The following TMEM135 variants were observed in gnomAD, a reference collection of about 807,000 sequenced individuals.
TMEM135 encodes peroxisomal membrane protein 52.
A neutral mutation model predicts 60.3 loss-of-function variants in TMEM135; 30 were observed. The ratio of observed to expected loss-of-function variants is 0.50; its 90% CI spans 0.37 to 0.68. The LOEUF is 0.68. Among genes scored for constraint, TMEM135 ranks in the 30% least tolerant of loss-of-function variants. The pLI is 0.00. For missense variants in TMEM135, 468 were observed against 548.8 expected (o/e 0.85, Z 1.47); for synonymous variants, 190 against 186.7 (o/e 1.02, Z -0.14).
At chr11:87,106,636 A>G (rs909570670) in intron 4 of TMEM135, among the ~76,000 whole-genome samples, 1 of 152,060 alleles carries the variant, frequency 6.6e-6, no homozygotes, top group African/African-American at 2.4e-5. Flanking sequence ...AAAGATTGGT[A>G]TTAGTTTTTC....
chr11:87,188,740 T>G (rs1939715428), intron 5 of TMEM135, among the ~76,000 whole-genome samples: 1 of 151,958 alleles, frequency 6.6e-6, no homozygotes, highest in Non-Finnish European at 1.5e-5. Context: ...TATACACTAT[T>G]AATACTTGAC....
chr11:87,077,419 G>A (rs551450793), intron 3 of TMEM135, among the ~76,000 whole-genome samples: 2 of 152,272 alleles, frequency 1.3e-5, no homozygotes, highest in African/African-American at 4.8e-5. Flanking sequence ...GTTATTTTCA[G>A]TTTTTGGCTG....
intron 4 of TMEM135, among the ~76,000 whole-genome samples, chr11:87,130,545 T>C (rs1162582203): frequency 6.6e-6 from 1 of 152,212 alleles, no homozygotes; most frequent in Non-Finnish European, 1.5e-5. Flanking sequence ...TTCCCTACTG[T>C]CTTTTTCATG....
chr11:87,311,014 T>C (rs868492069), intron 10 of TMEM135, among the ~76,000 whole-genome samples: 1 of 151,618 alleles, frequency 6.6e-6, no homozygotes, highest in Non-Finnish European at 1.5e-5. Flanking sequence ...AAATATATAT[T>C]TTATTCATAC....
At chr11:87,294,538 C>A (rs1942317485) in intron 6 of TMEM135, among the ~76,000 whole-genome samples, 2 of 152,178 alleles carry the variant, frequency 1.3e-5, no homozygotes, top group South Asian at 4.1e-4. Context: ...AATGTGCCAC[C>A]ACGCCCGGCT....
At chr11:87,147,230 C>T (rs1053382748) in intron 4 of TMEM135, among the ~76,000 whole-genome samples, 1 of 152,004 alleles carries the variant, frequency 6.6e-6, no homozygotes, top group Admixed American at 6.6e-5. Context: ...GGCTGAGGCA[C>T]AAGAATCGCT....
chr11:87,093,456 T>C (rs1218920011), intron 4 of TMEM135, among the ~76,000 whole-genome samples: 2 of 152,086 alleles, frequency 1.3e-5, no homozygotes, highest in East Asian at 1.9e-4. Flanking sequence ...AGTGATCCTT[T>C]TGCCTTGGCC....
At chr11:87,144,544 G>C (rs950385334) in intron 4 of TMEM135, among the ~76,000 whole-genome samples, 20 of 152,198 alleles carry the variant, frequency 1.3e-4, no homozygotes, top group Non-Finnish European at 2.5e-4. Context: ...CATGGGAAAT[G>C]TTTGGTAATG....
chr11:87,278,809 CT>C (rs1942010653), intron 6 of TMEM135, among the ~76,000 whole-genome samples: 1 of 96,594 alleles, frequency 1.0e-5, no homozygotes, highest in Non-Finnish European at 2.4e-5. Context: ...TTTCATCATT[CT>C]TTAAAATTTC....
chr11:87,314,541 G>A lies in TMEM135; in HGVS notation c.1071G>A (p.Leu357=). ...TTTCCATGTATTTAGCGTCCAAATT[G>A]GTAGAGGTAAGCGAAATTTTTGTGC... ...TTISMYLASK[L]VETMYFKGIE... is the part of the protein sequence containing the mutation. Residue 357 remains leucine (L), a synonymous_variant, in exon 12 of 15, where the codon TTG becomes TTA. Transcript: ENST00000305494. The A allele has an allele frequency of 6.2e-7, 1 of 1,610,472 alleles. No individual in the cohort carries two copies. The highest frequency in any genetic ancestry group is 1.1e-5 in the South Asian group (1 of 90,966).
At chr11:87,216,901 T>G (rs1940514768) in intron 5 of TMEM135, among the ~76,000 whole-genome samples, 2 of 152,062 alleles carry the variant, frequency 1.3e-5, no homozygotes, top group Non-Finnish European at 2.9e-5. Flanking sequence ...GAAGTAAAAT[T>G]GTACAAAATT....
At chr11:87,158,876 A>C (rs1938783129) in intron 5 of TMEM135, among the ~76,000 whole-genome samples, 1 of 152,222 alleles carries the variant, frequency 6.6e-6, no homozygotes, top group Admixed American at 6.5e-5. Context: ...AAGAAAACTT[A>C]CAGCAATAAG....
chr11:87,176,284 C>T (rs1591079384), intron 5 of TMEM135, among the ~76,000 whole-genome samples: 1 of 152,128 alleles, frequency 6.6e-6, no homozygotes, highest in Admixed American at 6.5e-5. Flanking sequence ...CTTCCTGTCT[C>T]CCCATGTGAT....
intron 1 of TMEM135, among the ~76,000 whole-genome samples, chr11:87,040,469 C>T (rs941053743): frequency 2.6e-5 from 4 of 152,158 alleles, no homozygotes; most frequent in Admixed American, 6.5e-5. Flanking sequence ...GACCAGCCAG[C>T]TTGACCAACA....
intron 4 of TMEM135, chr11:87,095,262 A>AT (rs1857297515): frequency 5.4e-6 from 1 of 184,904 alleles, no homozygotes; most frequent in African/African-American, 2.3e-5. Context: ...CACTTCAAAT[A>AT]TTAACATTCT....
intron 3 of TMEM135, among the ~76,000 whole-genome samples, chr11:87,074,922 T>C (rs969044869): frequency 1.3e-5 from 2 of 152,124 alleles, no homozygotes; most frequent in Admixed American, 1.3e-4. Context: ...GTTGATGTAT[T>C]TCTTTCTTTT....
intron 5 of TMEM135, among the ~76,000 whole-genome samples, chr11:87,177,567 C>T (rs1001344665): frequency 3.9e-5 from 6 of 152,072 alleles, no homozygotes; most frequent in African/African-American, 1.4e-4. Context: ...GTTATATAGC[C>T]ATAATCAAAT....
chr11:87,279,676 T>A (rs1252529079), intron 6 of TMEM135, among the ~76,000 whole-genome samples: 2 of 152,246 alleles, frequency 1.3e-5, no homozygotes, highest in Non-Finnish European at 2.9e-5. Context: ...GCTTCATAGA[T>A]CTGTGGACAT....
chr11:87,321,083 C>G (rs1252819454), intron 14 of TMEM135, 118 bp from the exon 15 acceptor site: 1 of 860,848 alleles, frequency 1.2e-6, no homozygotes, highest in Admixed American at 2.6e-5. Flanking sequence ...GAATTTAGAT[C>G]CTTTGCCACG....
Sources: gnomAD v4.1 joint callset for allele counts (sites outside exome capture counted in the v4.1 genomes callset) on GRCh38, gnomAD v4.1.1 for gene constraint, MANE v1.5 for transcripts, NCBI Gene and HGNC (gene_info 2026-07-23, HGNC 2026-07-21) for gene names.